ZFAND3: variants seen among roughly 807,000 people sequenced by gnomAD.
ZFAND3 encodes the protein zinc finger AN1-type containing 3.
Under a neutral mutation model 29.6 loss-of-function variants are expected in ZFAND3, and 10 were observed. The observed-to-expected ratio is 0.34, with a 90% CI of 0.21 to 0.57. The LOEUF (loss-of-function observed/expected upper bound fraction) is 0.57, where lower values mean the gene tolerates loss of function less well. ZFAND3 is among the 20% of genes least tolerant of loss of function. The pLI is 0.86. For missense variants in ZFAND3, 230 were observed against 304.5 expected, an observed-to-expected ratio of 0.76 and a Z score of 1.82; for synonymous variants, 128 against 112.6, an observed-to-expected ratio of 1.14 and a Z score of -0.87.
chr6:37,986,163 T>C (rs1762668254), intron 2 of ZFAND3, among the ~76,000 whole-genome samples: 1 of 152,188 alleles, frequency 6.6e-6, no homozygotes, highest in Admixed American at 6.5e-5. Flanking sequence ...TTTTTTCTTT[T>C]TACATTTCTT....
intron 4 of ZFAND3, among the ~76,000 whole-genome samples, chr6:38,112,055 A>C (rs77716702): frequency 7.0e-4 from 107 of 152,312 alleles, no homozygotes; most frequent in African/African-American, 1.8e-3. Flanking sequence ...AAGAAAGCTA[A>C]ATAGGCAAAA....
intron 2 of ZFAND3, among the ~76,000 whole-genome samples, chr6:37,989,033 A>G (rs892197286): frequency 6.6e-6 from 1 of 151,916 alleles, no homozygotes; most frequent in South Asian, 2.1e-4. Context: ...CCTTCCCAGT[A>G]GTAGCTGGGA....
At chr6:37,875,064 A>G (rs73419436) in intron 1 of ZFAND3, among the ~76,000 whole-genome samples, 10,203 of 152,344 alleles carry the variant, frequency 0.067, 408 homozygotes, top group Non-Finnish European at 0.085. Flanking sequence ...CAAATACACC[A>G]GAAGAACAAT....
chr6:38,030,227 A>G (rs988652942), intron 2 of ZFAND3, among the ~76,000 whole-genome samples: 4 of 145,710 alleles, frequency 2.7e-5, no homozygotes, highest in South Asian at 2.2e-4. Flanking sequence ...GGGTCTCTCT[A>G]TGTTGCCCAG....
chr6:37,993,555 G>C (rs1762797405), intron 2 of ZFAND3, among the ~76,000 whole-genome samples: 1 of 152,058 alleles, frequency 6.6e-6, no homozygotes, highest in Non-Finnish European at 1.5e-5. Flanking sequence ...TTGAACTCCT[G>C]ACCTCAAGTG....
At chr6:37,932,319 A>G (rs1288946841) in intron 2 of ZFAND3, among the ~76,000 whole-genome samples, 1 of 152,202 alleles carries the variant, frequency 6.6e-6, no homozygotes, top group Non-Finnish European at 1.5e-5. Flanking sequence ...TTATGTATCT[A>G]CAATTACAGA....
intron 2 of ZFAND3, among the ~76,000 whole-genome samples, chr6:37,991,498 G>A (rs979860597): frequency 3.3e-5 from 5 of 151,758 alleles, no homozygotes; most frequent in Non-Finnish European, 5.9e-5. Flanking sequence ...GATTACAGGC[G>A]CCTGCCACTA....
chr6:37,839,381 C>T (rs1001325147), intron 1 of ZFAND3, among the ~76,000 whole-genome samples: 1 of 151,938 alleles, frequency 6.6e-6, no homozygotes, highest in Non-Finnish European at 1.5e-5. Context: ...GGGGTTTCAC[C>T]GTGTTAGCTG....
intron 2 of ZFAND3, among the ~76,000 whole-genome samples, chr6:37,958,067 T>G (rs1333350852): frequency 6.6e-6 from 1 of 152,102 alleles, no homozygotes; most frequent in Non-Finnish European, 1.5e-5. Flanking sequence ...GGACAGACAA[T>G]TAGTCATAAA....
intron 5 of ZFAND3, among the ~76,000 whole-genome samples, chr6:38,124,436 G>A (rs111428439): frequency 3.2e-4 from 48 of 152,324 alleles, no homozygotes; most frequent in African/African-American, 1.0e-3. Flanking sequence ...GGGGCCAGGC[G>A]GGGAGGCTCA....
At chr6:38,102,846 TC>T (rs1432833897) in intron 4 of ZFAND3, among the ~76,000 whole-genome samples, 6 of 152,122 alleles carry the variant, frequency 3.9e-5, no homozygotes, top group Admixed American at 3.9e-4. Context: ...AACCTCCGCC[TC>T]CTGGGTTCAA....
rs533064740 is a variant in ZFAND3, at chr6:38,007,306, T to A, written c.113-54287T>A. On this transcript the variant is annotated intron_variant, in intron 2 of 5. Transcript: ENST00000287218. ...GAGGCTGAGGATTACATGCCTGTAA[T>A]CCTAGCACTTTGGGAGGCCAAGGCA... Among the ~76,000 whole-genome samples, 12 of 152,274 alleles carry A rather than the reference T, an allele frequency of 7.9e-5. No individual in the cohort carries two copies. The South Asian group carries it at 2.3e-3, about 29-fold the overall frequency.
intron 3 of ZFAND3, among the ~76,000 whole-genome samples, chr6:38,079,236 C>G (rs534419965): frequency 3.2e-4 from 49 of 152,248 alleles, no homozygotes; most frequent in African/African-American, 1.2e-3. Flanking sequence ...GCCCAATTAT[C>G]AAAGCTGGGA....
At chr6:38,041,681 T>TTCTC (rs1763773074) in intron 2 of ZFAND3, among the ~76,000 whole-genome samples, 2 of 13,738 alleles carry the variant, frequency 1.5e-4, no homozygotes, top group Admixed American at 2.1e-3. Flanking sequence ...TTCTTCTTCT[T>TTCTC]CTTCTCCTTC....
chr6:37,892,687 C>T (rs557369477), intron 1 of ZFAND3, among the ~76,000 whole-genome samples: 1 of 152,054 alleles, frequency 6.6e-6, no homozygotes, highest in Non-Finnish European at 1.5e-5. Context: ...TAGGAAAGAG[C>T]AACAAAATTG....
chr6:37,977,004 T>G (rs1170440160), intron 2 of ZFAND3, among the ~76,000 whole-genome samples: 1 of 152,198 alleles, frequency 6.6e-6, no homozygotes, highest in African/African-American at 2.4e-5. Context: ...TAGATACCTT[T>G]TATGGTCATG....
intron 2 of ZFAND3, among the ~76,000 whole-genome samples, chr6:37,999,367 C>T (rs1009183329): frequency 2.6e-5 from 4 of 152,126 alleles, no homozygotes; most frequent in Non-Finnish European, 4.4e-5. Context: ...GCTACTCTGC[C>T]ATTAAGGAGC....
At chr6:38,077,138 A>C (rs769002235) in intron 3 of ZFAND3, among the ~76,000 whole-genome samples, 2 of 150,784 alleles carry the variant, frequency 1.3e-5, no homozygotes, top group Admixed American at 1.3e-4. Flanking sequence ...TTTAAGAGGA[A>C]TCCTCATCAA....
intron 2 of ZFAND3, among the ~76,000 whole-genome samples, chr6:37,960,762 C>T (rs916858880): frequency 4.6e-5 from 7 of 152,030 alleles, no homozygotes; most frequent in Admixed American, 2.6e-4. Flanking sequence ...GAGAGTTCTT[C>T]CCCACTCCTT....
Sources: allele counts gnomAD v4.1 joint callset (sites outside exome capture counted in the v4.1 genomes callset), GRCh38; gene constraint gnomAD v4.1.1; transcripts MANE v1.5; gene names NCBI Gene and HGNC (gene_info 2026-07-23, HGNC 2026-07-21).